Variants in PTPRK observed in about 807,000 individuals in gnomAD.
The protein encoded by PTPRK is protein tyrosine phosphatase receptor type K, also known as receptor-type tyrosine-protein phosphatase kappa.
In PTPRK, 75 loss-of-function variants were observed where a neutral mutation model predicts 178.0. The ratio of observed to expected loss-of-function variants is 0.42; its 90% CI spans 0.35 to 0.51. The LOEUF (loss-of-function observed/expected upper bound fraction) is 0.51. PTPRK is among the 20% of genes least tolerant of loss of function. PTPRK has a pLI of 0.02. For missense variants in PTPRK, 1,441 were observed against 1,797.8 expected (o/e 0.80, Z 3.59); for synonymous variants, 637 against 620.6 (o/e 1.03, Z -0.39).
At chr6:128,363,294 C>T (rs1835024794) in intron 2 of PTPRK, among the ~76,000 whole-genome samples, 1 of 152,122 alleles carries the variant, frequency 6.6e-6, no homozygotes, top group African/African-American at 2.4e-5. Context: ...TTTCTTGCCA[C>T]TAAGATAAAG....
intron 13 of PTPRK, among the ~76,000 whole-genome samples, chr6:128,032,826 A>G (rs1775568066): frequency 6.6e-6 from 1 of 152,186 alleles, no homozygotes; most frequent in African/African-American, 2.4e-5. Flanking sequence ...TGCATATTAT[A>G]TCATATGTCA....
intron 1 of PTPRK, among the ~76,000 whole-genome samples, chr6:128,506,979 C>T (rs1056164004): frequency 1.3e-5 from 2 of 152,068 alleles, no homozygotes; most frequent in Admixed American, 6.6e-5. Flanking sequence ...GTGCCAGGCA[C>T]TCATTTAAGC....
intron 1 of PTPRK, among the ~76,000 whole-genome samples, chr6:128,431,140 G>T (rs1355578463): frequency 6.6e-6 from 1 of 151,852 alleles, no homozygotes; most frequent in Non-Finnish European, 1.5e-5. Context: ...GTTTCACCAT[G>T]TTGGCCAGTC....
chr6:128,004,247 G>C (rs1309211081), intron 15 of PTPRK, among the ~76,000 whole-genome samples: 2 of 151,758 alleles, frequency 1.3e-5, no homozygotes, highest in Non-Finnish European at 2.9e-5. Context: ...TGATTTGCCT[G>C]CCTCAAGCAT....
chr6:128,027,687 TGG>T (rs1193716322), intron 13 of PTPRK, among the ~76,000 whole-genome samples: 2 of 152,132 alleles, frequency 1.3e-5, no homozygotes, highest in African/African-American at 4.8e-5. Context: ...AACCTTCTCC[TGG>T]GTTCAAGCAA....
intron 13 of PTPRK, among the ~76,000 whole-genome samples, chr6:128,018,804 T>C (rs1176952346): frequency 6.6e-6 from 1 of 152,086 alleles, no homozygotes; most frequent in Non-Finnish European, 1.5e-5. Flanking sequence ...CAGCATTAGA[T>C]GGAGGGAAGT....
intron 6 of PTPRK, among the ~76,000 whole-genome samples, chr6:128,199,072 G>A (rs1805437060): frequency 6.6e-6 from 1 of 152,112 alleles, no homozygotes; most frequent in South Asian, 2.1e-4. Context: ...ACCTCCTTGA[G>A]CTGAAAATCA....
At chr6:128,393,089 CT>C (rs755172831) in intron 2 of PTPRK, among the ~76,000 whole-genome samples, 12,077 of 124,850 alleles carry the variant, frequency 0.097, 1,087 homozygotes, top group East Asian at 0.27. Flanking sequence ...TTCATAAGGA[CT>C]TTTTTTTTTT....
At chr6:128,132,241 C>A (rs1429146439) in intron 7 of PTPRK, among the ~76,000 whole-genome samples, 1 of 152,168 alleles carries the variant, frequency 6.6e-6, no homozygotes, top group Non-Finnish European at 1.5e-5. Context: ...GTGGCGCGAT[C>A]TTGGCTCACT....
At chr6:128,467,094 T>A (rs999883702) in intron 1 of PTPRK, among the ~76,000 whole-genome samples, 1 of 152,188 alleles carries the variant, frequency 6.6e-6, no homozygotes, top group African/African-American at 2.4e-5. Flanking sequence ...AGCATTGACA[T>A]CCCAGGGTGA....
At chr6:128,206,979 T>C (rs920841584) in intron 6 of PTPRK, among the ~76,000 whole-genome samples, 3 of 151,810 alleles carry the variant, frequency 2.0e-5, no homozygotes, top group Non-Finnish European at 2.9e-5. Context: ...TGTGAAGGAG[T>C]GTTTGATATG....
chr6:128,067,421 C>CT (rs61418642), intron 12 of PTPRK, 98 bp downstream of exon 12: 97,800 of 884,016 alleles, frequency 0.11, 2 homozygotes, highest in East Asian at 0.14. Context: ...TTTTCTTTTT[C>CT]TTTTTTTTTT....
At chr6:128,466,628 T>C (rs148233277) in intron 1 of PTPRK, among the ~76,000 whole-genome samples, 14 of 152,276 alleles carry the variant, frequency 9.2e-5, no homozygotes, top group African/African-American at 3.1e-4. Flanking sequence ...TAAAAATAAA[T>C]TATTTTAATT....
At chr6:128,505,653 A>AGTG (rs1215863459) in intron 1 of PTPRK, among the ~76,000 whole-genome samples, 4 of 152,148 alleles carry the variant, frequency 2.6e-5, no homozygotes, top group African/African-American at 9.7e-5. Context: ...GGGATTTCTA[A>AGTG]CATCTGGAGT....
chr6:128,374,811 T>A (rs146076912), intron 2 of PTPRK, among the ~76,000 whole-genome samples: 1 of 152,138 alleles, frequency 6.6e-6, no homozygotes, highest in African/African-American at 2.4e-5. Context: ...GAAGTACTGA[T>A]AATAGCCATA....
chr6:128,044,213 C>T (rs1023914913), intron 13 of PTPRK, among the ~76,000 whole-genome samples: 4 of 152,014 alleles, frequency 2.6e-5, no homozygotes, highest in African/African-American at 9.7e-5. Context: ...TCCACTTAGT[C>T]GCACATGCCA....
intron 7 of PTPRK, among the ~76,000 whole-genome samples, chr6:128,112,817 G>A (rs955429127): frequency 1.8e-4 from 28 of 152,058 alleles, no homozygotes; most frequent in African/African-American, 4.6e-4. Flanking sequence ...CTTTCACTTT[G>A]TTGGTGAATT....
chr6:128,074,700 C>T (rs1440153825), intron 11 of PTPRK, among the ~76,000 whole-genome samples: 1 of 151,948 alleles, frequency 6.6e-6, no homozygotes, highest in Non-Finnish European at 1.5e-5. Flanking sequence ...CGTCAAAGAA[C>T]CACACTTGCC....
At chr6:128,364,829 C>T (rs745664536) in intron 2 of PTPRK, among the ~76,000 whole-genome samples, 35 of 152,098 alleles carry the variant, frequency 2.3e-4, no homozygotes, top group South Asian at 1.0e-3. Flanking sequence ...GTAACCCAAA[C>T]GCCCATGAAG....
Sources: allele counts gnomAD v4.1 joint callset (sites outside exome capture counted in the v4.1 genomes callset), GRCh38; gene constraint gnomAD v4.1.1; transcripts MANE v1.5; gene names NCBI Gene and HGNC (gene_info 2026-07-23, HGNC 2026-07-21).